Variants in NSD2 observed in about 807,000 individuals in gnomAD.
NSD2 encodes the protein nuclear receptor binding SET domain protein 2.
Under a neutral mutation model 139.0 loss-of-function variants are expected in NSD2, and 12 were observed. The observed-to-expected ratio is 0.09, with a 90% CI of 0.06 to 0.14. The LOEUF is 0.14. Ranked by LOEUF, NSD2 falls within the 10% of genes least tolerant of loss-of-function variation. The pLI, the probability that NSD2 is intolerant of heterozygous loss-of-function variation, is 1.00. For missense variants in NSD2, 1,155 were observed against 1,745.0 expected, an observed-to-expected ratio of 0.66 and a Z score of 6.02; for synonymous variants, 669 against 648.7, an observed-to-expected ratio of 1.03 and a Z score of -0.48.
chr4:1,966,452 C>T (rs1467137719), intron 18 of NSD2, among the ~76,000 whole-genome samples: 1 of 152,024 alleles, frequency 6.6e-6, no homozygotes, highest in Admixed American at 6.5e-5. Context: ...GTCAGGAGAT[C>T]GAGATCATCC....
rs1317822253 is a variant in NSD2, at chr4:1,956,717, G to C, written c.2881+529G>C. ...ATGTGACCCTTCACTGGAGGAACTG[G>C]AGGAACTGGTATTTATGATCGGTCA... On this transcript the variant is annotated intron_variant, in intron 15 of 21. Transcript: ENST00000508803. This position sits in a 1 kb window ranked among gnomAD's most constrained non-coding sequence, Gnocchi z 5.3. Among the ~76,000 whole-genome samples the C allele has an allele frequency of 6.6e-6, 1 of 152,216 alleles. No individual in the cohort carries two copies. Among genetic ancestry groups the C allele is most frequent in the Non-Finnish European group, 1.5e-5 (1 of 68,040 alleles).
intron 9 of NSD2, chr4:1,945,803 A>G (rs1560728239): frequency 5.6e-6 from 6 of 1,064,340 alleles, no homozygotes; most frequent in Non-Finnish European, 6.8e-6. Context: ...CTGTAAAGCC[A>G]CGGATTCCCC....
intron 1 of NSD2, among the ~76,000 whole-genome samples, chr4:1,876,874 G>A (rs570285988): frequency 5.3e-5 from 8 of 152,214 alleles, no homozygotes; most frequent in Non-Finnish European, 1.0e-4. Flanking sequence ...GGTGGCTCAC[G>A]CCTGTAATCC....
In NSD2 at chr4:1,982,158, T is replaced by TATGA. The variant is rs1727832256; in HGVS notation, c.*3250_*3253dup. ...GGAAAGCTGTGTTTGGAAAATTGTGTATGAGTATTTTTGTATTAAAAACAT... is the reference window on the plus strand; with the variant it reads ...GGAAAGCTGTGTTTGGAAAATTGTGTATGAATGAGTATTTTTGTATTAAAAACAT... On this transcript the variant is annotated 3_prime_UTR_variant, in exon 22 of 22. Transcript: ENST00000508803. The TATGA allele has an allele frequency of 2.6e-6, 1 of 389,896 alleles. No homozygotes were observed. Among genetic ancestry groups the TATGA allele is most frequent in the Non-Finnish European group, 4.5e-6 (1 of 221,224 alleles). 24.2% of individuals were successfully genotyped at this position (389,896 alleles called of 1,614,324 possible).
At chr4:1,897,378 G>A (rs573963417) in intron 1 of NSD2, among the ~76,000 whole-genome samples, 16 of 151,944 alleles carry the variant, frequency 1.1e-4, no homozygotes, top group Non-Finnish European at 1.8e-4. Context: ...CCAGCTACTC[G>A]GGAGGCTGAG....
chr4:1,963,666 C>G (rs1411743309), intron 18 of NSD2, among the ~76,000 whole-genome samples: 1 of 152,188 alleles, frequency 6.6e-6, no homozygotes, highest in Non-Finnish European at 1.5e-5. Flanking sequence ...AAAGATAAAG[C>G]CTGTGACACA....
intron 3 of NSD2, among the ~76,000 whole-genome samples, chr4:1,906,254 T>C (rs373246455): frequency 2.3e-4 from 35 of 152,300 alleles, no homozygotes; most frequent in African/African-American, 7.5e-4. Context: ...ATTTCTTTTT[T>C]TGGGGATGGA....
intron 9 of NSD2, chr4:1,943,108 C>T (rs771094747): frequency 5.7e-6 from 6 of 1,047,204 alleles, no homozygotes; most frequent in Non-Finnish European, 6.9e-6. Context: ...AGCATCAGCC[C>T]TCATGTTTCA....
chr4:1,977,503 C>T (rs577263318), intron 21 of NSD2, among the ~76,000 whole-genome samples: 11 of 152,138 alleles, frequency 7.2e-5, no homozygotes, highest in Non-Finnish European at 1.2e-4. Context: ...AGGCCAGGTG[C>T]GGGGGCTCAT....
intron 3 of NSD2, among the ~76,000 whole-genome samples, chr4:1,913,476 C>T (rs1718954374): frequency 6.6e-6 from 1 of 152,198 alleles, no homozygotes; most frequent in African/African-American, 2.4e-5. Context: ...GCTCCTGGTC[C>T]ACTTTCATGT....
intron 1 of NSD2, among the ~76,000 whole-genome samples, chr4:1,878,526 T>C (rs954165988): frequency 6.6e-6 from 1 of 152,074 alleles, no homozygotes; most frequent in Non-Finnish European, 1.5e-5. Context: ...GGGTCATCTG[T>C]GAAGGCAGGG....
At chr4:1,940,303 GTT>G (rs1722955280) in intron 9 of NSD2, 1 of 1,072,796 alleles carries the variant, frequency 9.3e-7, no homozygotes, top group Admixed American at 4.8e-5. Flanking sequence ...CACATTTTTA[GTT>G]ACTTGAGTGT....
At position 1,979,866 on chromosome 4, in the gene NSD2, C is replaced by T. The variant is rs558887251; in HGVS notation, c.*957C>T. The T allele has an allele frequency of 1.1e-4, 26 of 232,588 alleles. No homozygotes were observed. The highest frequency in any genetic ancestry group is 1.8e-4 in the South Asian group (1 of 5,524). The allele number at this position is 232,588 out of a possible 1,614,324, so 14.4% of individuals were successfully genotyped here. On this transcript the variant is annotated 3_prime_UTR_variant, in exon 22 of 22. Transcript: ENST00000508803. Reference sequence around the variant, plus strand: ...TGGCGAAAGGAGTGACTTTGCAGGGCGTGAGACCGCAGTCTGCTTAGAGCA... The same window carrying T: ...TGGCGAAAGGAGTGACTTTGCAGGGTGTGAGACCGCAGTCTGCTTAGAGCA...
chr4:1,874,198 A>G (rs1005905928), intron 1 of NSD2, among the ~76,000 whole-genome samples: 2 of 152,198 alleles, frequency 1.3e-5, no homozygotes, highest in Admixed American at 6.5e-5. Flanking sequence ...TGGCCATAGA[A>G]TGCATACAAC....
intron 5 of NSD2, among the ~76,000 whole-genome samples, chr4:1,924,793 G>A (rs1720640204): frequency 6.6e-6 from 1 of 151,878 alleles, no homozygotes; most frequent in African/African-American, 2.4e-5. Flanking sequence ...GGGGCATGAT[G>A]GTGCACACTT....
intron 9 of NSD2, among the ~76,000 whole-genome samples, chr4:1,949,195 C>G (rs1723953272): frequency 6.6e-6 from 1 of 152,194 alleles, no homozygotes; most frequent in Non-Finnish European, 1.5e-5. Context: ...GTCAAGTGGC[C>G]CTTTGTGGGT....
chr4:1,886,144 T>C (rs1240412944), intron 1 of NSD2, among the ~76,000 whole-genome samples: 3 of 152,168 alleles, frequency 2.0e-5, no homozygotes, highest in African/African-American at 7.2e-5. Flanking sequence ...AAGGTGACAG[T>C]CCCTGCTGTA....
At chr4:1,902,682 T>A (rs1717344401) in intron 2 of NSD2, among the ~76,000 whole-genome samples, 1 of 152,126 alleles carries the variant, frequency 6.6e-6, no homozygotes, top group Non-Finnish European at 1.5e-5. Context: ...CAAACGATGT[T>A]CCTGCATCAG....
intron 7 of NSD2, among the ~76,000 whole-genome samples, chr4:1,938,142 C>T (rs901706467): frequency 5.3e-5 from 8 of 152,156 alleles, no homozygotes; most frequent in Non-Finnish European, 7.3e-5. Flanking sequence ...ATGACTGCAG[C>T]GGGTCTTGGC....
Sources: allele counts gnomAD v4.1 joint callset (sites outside exome capture counted in the v4.1 genomes callset), GRCh38; gene constraint gnomAD v4.1.1; non-coding constraint Gnocchi (gnomAD v3.1); transcripts MANE v1.5; gene names NCBI Gene and HGNC (gene_info 2026-07-23, HGNC 2026-07-21).